The following MYO1E variants were observed in gnomAD, a reference collection of about 807,000 sequenced individuals.
MYO1E encodes the protein myosin IE.
A neutral mutation model predicts 151.1 loss-of-function variants in MYO1E; 68 were observed. That is an observed-to-expected ratio of 0.45 (90% CI 0.37 to 0.55). The LOEUF (loss-of-function observed/expected upper bound fraction) is 0.55. MYO1E is among the 20% of genes least tolerant of loss of function. The pLI, the probability that MYO1E is intolerant of heterozygous loss-of-function variation, is 0.00. For missense variants in MYO1E, 1,363 were observed against 1,389.3 expected, an observed-to-expected ratio of 0.98 and a Z score of 0.30; for synonymous variants, 601 against 501.7, an observed-to-expected ratio of 1.20 and a Z score of -2.64.
chr15:59,210,398 A>T, intron 13 of MYO1E, 116 bp downstream of exon 13: 1 of 777,882 alleles, frequency 1.3e-6, no homozygotes, highest in South Asian at 1.5e-5. Flanking sequence ...AATTGCTCAA[A>T]TTCTCTGCAA....
rs114420969 is a variant in MYO1E, at chr15:59,345,608, T to C, written c.3+26890A>G. Among the ~76,000 whole-genome samples the C allele has an allele frequency of 2.6e-3, 391 of 152,358 alleles. 1 individual carries two copies. The highest frequency in any genetic ancestry group is 9.1e-3 in the African/African-American group (379 of 41,584). ...CTGTCAAAAAATAGAACTGCCTAAC[T>C]ACTTTTATACTTCCTGTGATACAAG... is the stretch of plus-strand genomic sequence containing the variant. On this transcript the variant is annotated intron_variant, in intron 1 of 27. Transcript: ENST00000288235.
chr15:59,347,265 G>A (rs1320401630), intron 1 of MYO1E, among the ~76,000 whole-genome samples: 1 of 152,180 alleles, frequency 6.6e-6, no homozygotes, highest in African/African-American at 2.4e-5. Context: ...GCAGGATCCA[G>A]GCTGCGCGCT....
intron 25 of MYO1E, 78 bp from the exon 26 acceptor site, chr15:59,153,869 T>C: frequency 7.3e-7 from 1 of 1,375,410 alleles, no homozygotes; most frequent in South Asian, 1.2e-5. Context: ...ATTTCTTCCA[T>C]GTACTACAAG....
At chr15:59,359,132 T>G (rs1306975967) in intron 1 of MYO1E, among the ~76,000 whole-genome samples, 1 of 151,980 alleles carries the variant, frequency 6.6e-6, no homozygotes, top group African/African-American at 2.4e-5. Flanking sequence ...ATTTGGTCAC[T>G]GAAAGAAACA....
intron 1 of MYO1E, among the ~76,000 whole-genome samples, chr15:59,338,086 G>A (rs1370372795): frequency 6.6e-6 from 1 of 151,814 alleles, no homozygotes; most frequent in African/African-American, 2.4e-5. Flanking sequence ...GCAGAGTCAG[G>A]TAATAGGTGT....
intron 1 of MYO1E, among the ~76,000 whole-genome samples, chr15:59,311,143 C>T (rs1259191530): frequency 6.6e-6 from 1 of 152,046 alleles, no homozygotes; most frequent in Admixed American, 6.5e-5. Flanking sequence ...TCCATCATAA[C>T]GAGCAAAACC....
chr15:59,317,807 C>T (rs551379999), intron 1 of MYO1E, among the ~76,000 whole-genome samples: 3 of 152,078 alleles, frequency 2.0e-5, no homozygotes, highest in Non-Finnish European at 2.9e-5. Flanking sequence ...AGAGCGAGGG[C>T]GTGAAACAGT....
intron 1 of MYO1E, among the ~76,000 whole-genome samples, chr15:59,367,696 C>G (rs978431171): frequency 2.6e-5 from 4 of 152,178 alleles, no homozygotes; most frequent in African/African-American, 9.7e-5. Flanking sequence ...AGACATTCTT[C>G]CTGGTGAGTG....
intron 4 of MYO1E, among the ~76,000 whole-genome samples, chr15:59,238,581 G>A (rs2080080534): frequency 6.6e-6 from 1 of 152,112 alleles, no homozygotes; most frequent in African/African-American, 2.4e-5. Context: ...GTATAGGAAT[G>A]GTTTTTTTGA....
intron 1 of MYO1E, among the ~76,000 whole-genome samples, chr15:59,337,029 A>AC (rs2080733208): frequency 1.8e-5 from 1 of 55,958 alleles, no homozygotes. Context: ...CTAGTTTTAA[A>AC]AAAAAAAATC....
At chr15:59,318,835 A>C (rs1220016610) in intron 1 of MYO1E, among the ~76,000 whole-genome samples, 4 of 152,226 alleles carry the variant, frequency 2.6e-5, no homozygotes, top group Non-Finnish European at 4.4e-5. Context: ...AAAGTCACTC[A>C]AGATTACACG....
Position 59,159,044 on chromosome 15 carries a change from G to C in MYO1E, c.2786-665C>G, listed in dbSNP as rs576713436. Among the ~76,000 whole-genome samples, 63 of 152,220 alleles carry C rather than the reference G, an allele frequency of 4.1e-4. No individual in the cohort carries two copies. The highest frequency in any genetic ancestry group is 7.9e-4 in the Non-Finnish European group (54 of 68,026). ...AAGAAAAACAATAGGGTCTTGAATG[G>C]AACAGGAAGGAAGGTAGGATTAAAC... On this transcript the variant is annotated intron_variant, in intron 24 of 27. Coordinates refer to ENST00000288235, the MANE Select transcript of MYO1E (RefSeq NM_004998.4). The surrounding 1 kb of genome is among the most constrained non-coding windows in gnomAD (Gnocchi z 4.4).
intron 23 of MYO1E, among the ~76,000 whole-genome samples, chr15:59,162,810 C>A (rs897845379): frequency 1.6e-4 from 24 of 152,098 alleles, no homozygotes; most frequent in Admixed American, 3.9e-4. Context: ...CTTTTATCTG[C>A]TTCCAGTGTG....
At chr15:59,362,667 A>C (rs1354120856) in intron 1 of MYO1E, among the ~76,000 whole-genome samples, 1 of 152,210 alleles carries the variant, frequency 6.6e-6, no homozygotes, top group East Asian at 1.9e-4. Context: ...AATTTTCTAT[A>C]AGGTCTGCAT....
Position 59,153,647 on chromosome 15 carries a change from A to T in MYO1E, c.3023T>A (p.Val1008Glu). The part of the protein sequence containing the change: ...PRQQSTSSDR[V>E]SQTPESLDFL... The stretch of plus-strand genomic sequence containing the variant: ...ATCCAGGCTCTCTGGCGTCTGTGAC[A>T]CTCGGTCTGAACTGGTAGACTGCTG... The change falls in exon 26 of 28, where the codon GTG becomes GAG. Residue 1008 changes from valine to glutamate, a missense_variant. Transcript: ENST00000288235. The T allele has an allele frequency of 6.2e-7, 1 of 1,614,118 alleles. No homozygotes were observed. Among genetic ancestry groups the T allele is most frequent in the Non-Finnish European group, 8.5e-7 (1 of 1,180,022 alleles).
At chr15:59,372,154 C>G (rs1416467058) in intron 1 of MYO1E, among the ~76,000 whole-genome samples, 1 of 151,632 alleles carries the variant, frequency 6.6e-6, no homozygotes, top group Non-Finnish European at 1.5e-5. Flanking sequence ...CTGCGCCCCC[C>G]ACGTCCCAGC....
At chr15:59,175,873 T>G (rs1291076003) in intron 19 of MYO1E, among the ~76,000 whole-genome samples, 3 of 152,138 alleles carry the variant, frequency 2.0e-5, no homozygotes, top group Non-Finnish European at 4.4e-5. Flanking sequence ...CCCAGGGGGT[T>G]AGAAATTAGG....
chr15:59,248,984 T>A (rs1468401444), intron 4 of MYO1E, among the ~76,000 whole-genome samples: 1 of 152,164 alleles, frequency 6.6e-6, no homozygotes, highest in East Asian at 1.9e-4. Context: ...CACACTTCCT[T>A]GTGAGTTTGC....
intron 1 of MYO1E, among the ~76,000 whole-genome samples, chr15:59,321,425 T>G (rs1002311510): frequency 2.6e-5 from 4 of 152,244 alleles, no homozygotes; most frequent in Non-Finnish European, 1.5e-5. Context: ...AGACATGGAA[T>G]CAACCTAGGT....
Sources: gnomAD v4.1 joint callset for allele counts (sites outside exome capture counted in the v4.1 genomes callset) on GRCh38, gnomAD v4.1.1 for gene constraint, Gnocchi (gnomAD v3.1) non-coding constraint, MANE v1.5 for transcripts, NCBI Gene and HGNC (gene_info 2026-07-23, HGNC 2026-07-21) for gene names.